The following KTN1 variants were observed in gnomAD, a reference collection of about 807,000 sequenced individuals.
KTN1 encodes kinectin.
In KTN1, 130 loss-of-function variants were observed where a neutral mutation model predicts 222.5. The observed-to-expected ratio is 0.58, with a 90% CI of 0.51 to 0.68. The LOEUF (loss-of-function observed/expected upper bound fraction) is 0.68, where lower values mean the gene tolerates loss of function less well. Ranked by LOEUF, KTN1 falls within the 30% of genes least tolerant of loss-of-function variation. KTN1 has a pLI of 0.00. For missense variants in KTN1, 1,508 were observed against 1,500.4 expected, an observed-to-expected ratio of 1.01 and a Z score of -0.08; for synonymous variants, 512 against 496.3, an observed-to-expected ratio of 1.03 and a Z score of -0.42.
At chr14:55,625,855 G>A (rs932386081) in intron 5 of KTN1, among the ~76,000 whole-genome samples, 2 of 151,768 alleles carry the variant, frequency 1.3e-5, no homozygotes, top group African/African-American at 4.8e-5. Context: ...CCTGCATTTT[G>A]CACCCTTTTC....
At chr14:55,643,284 C>G (rs2041978355) in intron 18 of KTN1, among the ~76,000 whole-genome samples, 1 of 152,130 alleles carries the variant, frequency 6.6e-6, no homozygotes, top group Non-Finnish European at 1.5e-5. Context: ...TAAGATTTCT[C>G]TCCCCCCACC....
chr14:55,624,252 C>T (rs533443575), intron 5 of KTN1, among the ~76,000 whole-genome samples: 1 of 152,094 alleles, frequency 6.6e-6, no homozygotes, highest in African/African-American at 2.4e-5. Flanking sequence ...ACAGACTGTT[C>T]GAAGTCGCAG....
chr14:55,639,054 C>A, intron 12 of KTN1, 131 bp from the exon 13 acceptor site: 1 of 587,302 alleles, frequency 1.7e-6, no homozygotes, highest in Non-Finnish European at 3.0e-6. Context: ...GAACACTTAC[C>A]ATGGGCCAGA....
At chr14:55,639,553 T>C (rs1401758234) in intron 13 of KTN1, among the ~76,000 whole-genome samples, 1 of 151,756 alleles carries the variant, frequency 6.6e-6, no homozygotes, top group African/African-American at 2.4e-5. Context: ...TATAAGTAGT[T>C]GTAGTTCTTC....
At chr14:55,639,886 A>C (rs767780047) in intron 13 of KTN1, 27 bp from the exon 14 acceptor site, 1 of 1,341,236 alleles carries the variant, frequency 7.5e-7, no homozygotes, top group Non-Finnish European at 1.1e-6. Context: ...ATGTTTATTG[A>C]ATGTACAAAT....
chr14:55,601,770 C>G (rs1476012107), intron 1 of KTN1: 2 of 151,850 alleles, frequency 1.3e-5, no homozygotes, highest in Non-Finnish European at 2.9e-5. Flanking sequence ...GATTTTCGTT[C>G]CGTCACCCAG....
intron 32 of KTN1, 66 bp downstream of exon 32, chr14:55,661,678 G>T: frequency 1.3e-6 from 1 of 781,616 alleles, no homozygotes; most frequent in Non-Finnish European, 2.0e-6. Flanking sequence ...TATGGTTCAG[G>T]AATTTTTTTT....
chr14:55,632,404 G>A (rs1196836731), intron 7 of KTN1, among the ~76,000 whole-genome samples: 1 of 152,118 alleles, frequency 6.6e-6, no homozygotes, highest in Non-Finnish European at 1.5e-5. Context: ...TTATTAATAA[G>A]ATTATTTCAT....
At chr14:55,654,463 C>G (rs1452284732) in intron 28 of KTN1, among the ~76,000 whole-genome samples, 1 of 151,086 alleles carries the variant, frequency 6.6e-6, no homozygotes, top group Non-Finnish European at 1.5e-5. Context: ...AGCTTAGGGC[C>G]TCATTTCTGG....
At chr14:55,619,408 C>A in intron 5 of KTN1, 96 bp downstream of exon 5, 1 of 1,113,252 alleles carries the variant, frequency 9.0e-7, no homozygotes, top group Non-Finnish European at 1.3e-6. Flanking sequence ...CTACTCCCAT[C>A]CTTAACATCT....
At chr14:55,677,139 G>A (rs757071907) in intron 41 of KTN1, among the ~76,000 whole-genome samples, 1 of 152,120 alleles carries the variant, frequency 6.6e-6, no homozygotes, top group Non-Finnish European at 1.5e-5. Context: ...TAGAAATATT[G>A]TGCAACATTT....
In KTN1 at chr14:55,640,490, G is replaced by A. The variant is rs150130057; in HGVS notation, c.1983+48G>A. ...CATTGATCTCAGAATTTCAATTTGC[G>A]TATTCTTATTTTCATTGATATTGTG... On this transcript the variant is annotated intron_variant, in intron 15 of 43. Transcript: ENST00000395314. 9.3e-5 allele frequency: 123 copies of A among 1,317,968 alleles called. No homozygotes were observed. In the East Asian group the frequency reaches 1.9e-3, roughly 20 times the overall value. The allele number at this position is 1,317,968 out of a possible 1,614,324, so 81.6% of individuals were successfully genotyped here.
At chr14:55,618,703 G>GT (rs2038733987) in intron 4 of KTN1, among the ~76,000 whole-genome samples, 1 of 152,042 alleles carries the variant, frequency 6.6e-6, no homozygotes, top group African/African-American at 2.4e-5. Flanking sequence ...TGTCAGGATG[G>GT]TTTGCATATA....
In KTN1 at chr14:55,640,934, C is replaced by A. The variant is rs541385064; in HGVS notation, c.1985C>A (p.Ala662Asp). 1 of 1,611,296 alleles carries A rather than the reference C, an allele frequency of 6.2e-7. No individual in the cohort carries two copies. Among genetic ancestry groups the A allele is most frequent in the South Asian group, 1.1e-5 (1 of 90,912 alleles). Residue 662 changes from alanine (A) to aspartate (D), a missense_variant and splice_region_variant, in exon 16 of 44, where the codon GCT (alanine) becomes GAT (aspartate). Coordinates refer to ENST00000395314, the MANE Select transcript of KTN1 (RefSeq NM_001079521.2). ...ATTTTCTTCTCATTCCACACACAGG[C>A]TGCTGCTGCACATGAATTGGAGAAG... ...QKLQALANEQ[A>D]AAAHELEKMQ...
chr14:55,580,630 C>G (rs1346068540), intron 1 of KTN1, among the ~76,000 whole-genome samples: 2 of 151,810 alleles, frequency 1.3e-5, no homozygotes, highest in East Asian at 3.9e-4. Flanking sequence ...TGTCGCGGCA[C>G]CCGGGGCGCG....
intron 25 of KTN1, 84 bp from the exon 26 acceptor site, chr14:55,652,766 A>C: frequency 1.1e-6 from 1 of 872,708 alleles, no homozygotes. Context: ...ACTACCCAAA[A>C]TATACTTTTT....
In KTN1 at chr14:55,652,895, G is replaced by C. The variant is rs758505726; in HGVS notation, c.2649G>C (p.Leu883Phe). Reference sequence around the variant, plus strand: ...AGATGAATACCATGAAGGCTGTTTTGGAAGAGAAAGAGAAAGACCTAGCCA... The same window carrying C: ...AGATGAATACCATGAAGGCTGTTTTCGAAGAGAAAGAGAAAGACCTAGCCA... ...EEQMNTMKAV[L>F]EEKEKDLANT... The change falls in exon 26 of 44, where the codon TTG becomes TTC. Residue 883 changes from leucine (L) to phenylalanine (F), a missense_variant. By Grantham distance (22) the Leu-to-Phe change is conservative (BLOSUM62 0). Transcript: ENST00000395314. 6 of 1,611,346 alleles carry C rather than the reference G, an allele frequency of 3.7e-6. No homozygotes were observed. The South Asian group carries it at 6.6e-5, about 18-fold the overall frequency.
chr14:55,657,397 G>GTTTTTTTTTTTTTTTTTTTTTTTT (rs35297700), intron 29 of KTN1, among the ~76,000 whole-genome samples: 4 of 137,674 alleles, frequency 2.9e-5, no homozygotes, highest in African/African-American at 1.1e-4. Context: ...CTGAGTTGAC[G>GTTTTTTTTTTTTTTTTTTTTTTTT]TTTTTTTTTT....
chr14:55,588,383 T>C (rs1415506328), intron 1 of KTN1, among the ~76,000 whole-genome samples: 1 of 152,170 alleles, frequency 6.6e-6, no homozygotes, highest in Admixed American at 6.5e-5. Context: ...AACTTTTCCT[T>C]GTCATGACTT....
Sources: gnomAD v4.1 joint callset for allele counts (sites outside exome capture counted in the v4.1 genomes callset) on GRCh38, gnomAD v4.1.1 for gene constraint, MANE v1.5 for transcripts, NCBI Gene and HGNC (gene_info 2026-07-23, HGNC 2026-07-21) for gene names.